Variants in DCDC2C observed in about 807,000 individuals in gnomAD.
The protein encoded by DCDC2C is doublecortin domain-containing protein 2C.
In DCDC2C, 44 loss-of-function variants were observed where a neutral mutation model predicts 45.0. The observed-to-expected ratio is 0.98, with a 90% confidence interval of 0.77 to 1.26. The LOEUF (loss-of-function observed/expected upper bound fraction) is 1.26, where lower values mean the gene tolerates loss of function less well. Among genes scored for constraint, DCDC2C ranks in the 50% most tolerant of loss-of-function variants. The probability of loss-of-function intolerance (pLI) is 0.00; values close to 1 mark genes in which losing one functional copy is unlikely to be tolerated. For synonymous variants in DCDC2C, 187 were observed against 178.8 expected (o/e 1.05, Z -0.37); for missense variants, 447 against 468.9 (o/e 0.95, Z 0.43).
intron 10 of DCDC2C, among the ~76,000 whole-genome samples, chr2:3,840,368 C>T (rs1291613850): frequency 6.6e-6 from 1 of 152,164 alleles, no homozygotes; most frequent in African/African-American, 2.4e-5. Context: ...CCGCTGTGAA[C>T]TCCTATGAGG....
chr2:3,710,517 T>G (rs781192888), intron 2 of DCDC2C, among the ~76,000 whole-genome samples: 21 of 152,208 alleles, frequency 1.4e-4, no homozygotes, highest in Non-Finnish European at 2.9e-4. Context: ...TCCATCCATG[T>G]CCCTGCATGA....
chr2:3,774,276 T>TCTGTAAGGATGTTTTGG (rs1670267548), intron 8 of DCDC2C, among the ~76,000 whole-genome samples: 1 of 152,222 alleles, frequency 6.6e-6, no homozygotes, highest in African/African-American at 2.4e-5. Flanking sequence ...AGCTACTATA[T>TCTGTAAGGATGTTTTGG]CTGTAAGGAT....
At chr2:3,704,350 A>G (rs1456113870) in intron 1 of DCDC2C, among the ~76,000 whole-genome samples, 26 of 106,392 alleles carry the variant, frequency 2.4e-4, no homozygotes, top group Admixed American at 2.1e-3. Flanking sequence ...GGGCAGAAAC[A>G]GGGGTGTGGA....
At chr2:3,714,234 A>G (rs180725497) in intron 2 of DCDC2C, among the ~76,000 whole-genome samples, 1 of 152,358 alleles carries the variant, frequency 6.6e-6, no homozygotes, top group East Asian at 1.9e-4. Flanking sequence ...AATGATTTTT[A>G]AAATACTTCA....
intron 8 of DCDC2C, among the ~76,000 whole-genome samples, chr2:3,773,442 C>T (rs1670241068): frequency 6.6e-6 from 1 of 152,108 alleles, no homozygotes; most frequent in Admixed American, 6.5e-5. Context: ...GGCCTGTGTG[C>T]CTGCTGCCCG....
At chr2:3,799,042 G>C (rs1233591081) in intron 10 of DCDC2C, among the ~76,000 whole-genome samples, 9 of 152,062 alleles carry the variant, frequency 5.9e-5, no homozygotes, top group Admixed American at 2.6e-4. Flanking sequence ...TCACATAGTC[G>C]CATATTTCTT....
At chr2:3,745,226 T>C (rs1054570105) in intron 4 of DCDC2C, among the ~76,000 whole-genome samples, 8 of 152,162 alleles carry the variant, frequency 5.3e-5, no homozygotes, top group Non-Finnish European at 1.0e-4. Flanking sequence ...CCTCAGGTGA[T>C]CTGCCCACCT....
chr2:3,704,912 T>C (rs2148035137), intron 1 of DCDC2C, among the ~76,000 whole-genome samples: 2 of 152,276 alleles, frequency 1.3e-5, no homozygotes, highest in South Asian at 4.1e-4. Context: ...TTGCAGCCTG[T>C]GTCTGCTTTC....
chr2:3,780,670 C>T lies in DCDC2C; in HGVS notation c.1023+1786C>T, dbSNP rs531258760. On this transcript the variant is annotated intron_variant, in intron 9 of 10. Coordinates refer to ENST00000399143, the MANE Select transcript of DCDC2C (RefSeq NM_001287444.2). ...GGCTGGGGAGCAAACGAAGGCATCC[C>T]GAGCTTCACCGTGCACCAGGCACTG... Among the ~76,000 whole-genome samples the T allele has an allele frequency of 7.2e-5, 11 of 152,282 alleles. No homozygotes were observed. The East Asian group carries it at 7.7e-4, about 11-fold the overall frequency.
intron 2 of DCDC2C, 66 bp from the exon 3 acceptor site, chr2:3,726,937 C>T: frequency 7.2e-7 from 1 of 1,394,684 alleles, no homozygotes; most frequent in South Asian, 1.2e-5. Flanking sequence ...GCTGTGCACA[C>T]TGTTGAGTTT....
At chr2:3,744,747 G>C (rs1669312054) in intron 4 of DCDC2C, among the ~76,000 whole-genome samples, 1 of 152,240 alleles carries the variant, frequency 6.6e-6, no homozygotes, top group Non-Finnish European at 1.5e-5. Context: ...CTTTTGAGTA[G>C]GATGTAAACT....
intron 6 of DCDC2C, among the ~76,000 whole-genome samples, chr2:3,766,661 C>A (rs1236113437): frequency 6.6e-6 from 1 of 152,120 alleles, no homozygotes; most frequent in Non-Finnish European, 1.5e-5. Context: ...AATATATTAA[C>A]GGTACAAGGC....
chr2:3,704,819 C>T (rs924936188), intron 1 of DCDC2C, among the ~76,000 whole-genome samples: 3 of 151,402 alleles, frequency 2.0e-5, no homozygotes, highest in Admixed American at 1.3e-4. Context: ...ACTCTGTGTC[C>T]ATCACTTGGT....
At chr2:3,763,752 T>C (rs1317233611) in intron 6 of DCDC2C, among the ~76,000 whole-genome samples, 1 of 152,252 alleles carries the variant, frequency 6.6e-6, no homozygotes, top group Non-Finnish European at 1.5e-5. Flanking sequence ...ACTCTGCTCT[T>C]TTGGGCTGGA....
intron 3 of DCDC2C, among the ~76,000 whole-genome samples, chr2:3,730,581 GC>G (rs530961804): frequency 6.6e-6 from 1 of 152,086 alleles, no homozygotes; most frequent in Admixed American, 6.5e-5. Flanking sequence ...GGCAGCCCCC[GC>G]CCCCCGAGCT....
Position 3,708,619 on chromosome 2 carries a change from C to A in DCDC2C, c.339+19C>A. 1 of 1,539,566 alleles carries A rather than the reference C, an allele frequency of 6.5e-7. No individual in the cohort carries two copies. Among genetic ancestry groups the A allele is most frequent in the Non-Finnish European group, 8.8e-7 (1 of 1,139,612 alleles). ...GAAGGAAGTAAGTGTTTGCTTCTAA[C>A]AACTAATAATGGAATAAATTGGCCA... On this transcript the variant is annotated intron_variant, in intron 2 of 10. Transcript: ENST00000399143.
At chr2:3,742,089 G>T in intron 4 of DCDC2C, 41 bp downstream of exon 4, 7 of 1,485,744 alleles carry the variant, frequency 4.7e-6, no homozygotes, top group Non-Finnish European at 6.3e-6. Context: ...GGGGGCGGCA[G>T]CTTGTGTTTA....
At chr2:3,755,224 G>A (rs28662478) in intron 6 of DCDC2C, among the ~76,000 whole-genome samples, 1,816 of 150,988 alleles carry the variant, frequency 0.012, 19 homozygotes, top group Non-Finnish European at 0.017. Flanking sequence ...TATGATGTGT[G>A]CATGATGTGT....
chr2:3,703,598 C>T lies in DCDC2C; in HGVS notation c.-154C>T, dbSNP rs1257844722. On this transcript the variant is annotated 5_prime_UTR_variant, in exon 1 of 11. Transcript: ENST00000399143. This position sits in a 1 kb window ranked among gnomAD's most constrained non-coding sequence, Gnocchi z 4.4. ...GCAGCCCCGTCCCGTCCCCGTCCAGCCCCCGTCCCGTCCCCGTCCCGTCCC... is the reference window on the plus strand; with the variant it reads ...GCAGCCCCGTCCCGTCCCCGTCCAGTCCCCGTCCCGTCCCCGTCCCGTCCC... The T allele has an allele frequency of 1.1e-5, 8 of 730,322 alleles. No homozygotes were observed. The highest frequency in any genetic ancestry group is 5.6e-5 in the African/African-American group (3 of 53,648). 45.2% of individuals were successfully genotyped at this position (730,322 alleles called of 1,614,324 possible).
Sources: allele counts gnomAD v4.1 joint callset (sites outside exome capture counted in the v4.1 genomes callset), GRCh38; gene constraint gnomAD v4.1.1; non-coding constraint Gnocchi (gnomAD v3.1); transcripts MANE v1.5; gene names NCBI Gene and HGNC (gene_info 2026-07-23, HGNC 2026-07-21).